The following ESS2 variants were observed in gnomAD, a reference collection of about 807,000 sequenced individuals.
The protein encoded by ESS2 is ess-2 spliceosome associated protein, also known as splicing factor ESS-2 homolog.
A neutral mutation model predicts 52.0 loss-of-function variants in ESS2; 31 were observed. That is an observed-to-expected ratio of 0.60 (90% CI 0.45 to 0.81). The LOEUF is 0.81. Ranked by LOEUF, ESS2 falls within the 30% of genes least tolerant of loss-of-function variation. ESS2 has a pLI of 0.00. For synonymous variants in ESS2, 285 were observed against 259.2 expected, an observed-to-expected ratio of 1.10 and a Z score of -0.95; for missense variants, 602 against 637.2, an observed-to-expected ratio of 0.94 and a Z score of 0.59.
At position 19,135,091 on chromosome 22, in the gene ESS2, C is replaced by A. The variant is rs1253620886; in HGVS notation, c.1120G>T (p.Ala374Ser). ...AGATTCTCCGTCACTCTCCGCAAGG[C>A]TTCCTGCTTCTTGGCCCGGTTCTTG... ...AAKNRAKKQE[A>S]LRRVTENLAS... Residue 374 changes from alanine to serine, a missense_variant, in exon 9 of 10, where the codon GCC becomes TCC. Physicochemically the swap from Ala to Ser is moderately conservative, Grantham distance 99. Coordinates refer to ENST00000252137, the MANE Select transcript of ESS2 (RefSeq NM_022719.3). 7 of 1,613,922 alleles carry A rather than the reference C, an allele frequency of 4.3e-6. No individual in the cohort carries two copies. Among genetic ancestry groups the A allele is most frequent in the Admixed American group, 1.7e-5 (1 of 60,000 alleles).
At position 19,144,585 on chromosome 22, in the gene ESS2, G is replaced by C. The variant is rs530916835; in HGVS notation, c.56C>G (p.Pro19Arg). The C allele has an allele frequency of 1.2e-6, 2 of 1,601,568 alleles. No homozygotes were observed. Among genetic ancestry groups the C allele is most frequent in the Admixed American group, 1.7e-5 (1 of 58,956 alleles). Residue 19 changes from proline to arginine, a missense_variant, in exon 1 of 10, where the codon CCC (proline) becomes CGC (arginine). By Grantham distance (103) the Pro-to-Arg change is moderately radical. Coordinates refer to ENST00000252137, the MANE Select transcript of ESS2 (RefSeq NM_022719.3). Reference protein sequence around the residue: ...SSLLLPAASRPPRKREAGEAG... With the variant: ...SSLLLPAASRRPRKREAGEAG... Reference sequence around the variant, plus strand: ...CTCTCCCGCCTCGCGCTTCCTCGGGGGCCTGGACGCGGCGGGAAGCAACAA... The same window carrying C: ...CTCTCCCGCCTCGCGCTTCCTCGGGCGCCTGGACGCGGCGGGAAGCAACAA...
intron 8 of ESS2, 73 bp downstream of exon 8, chr22:19,137,250 T>G: frequency 8.6e-7 from 1 of 1,156,300 alleles, no homozygotes; most frequent in Non-Finnish European, 1.3e-6. Flanking sequence ...TGCTCAGTCC[T>G]GAGCCACAGG....
intron 6 of ESS2, 196 bp from the exon 7 acceptor site, chr22:19,138,513 G>C (rs923710439): frequency 2.9e-6 from 2 of 698,264 alleles, no homozygotes; most frequent in African/African-American, 1.8e-5. Context: ...TTGAGGGCCT[G>C]TCAAAGTGGG....
Position 19,142,528 on chromosome 22 carries a change from C to T in ESS2, c.400+10G>A, listed in dbSNP as rs768456416. ...TGACCATGTGACTTAAAGAGGGCAC[C>T]CTCACTCACCATCCTCCAGGCCTCG... is the stretch of plus-strand genomic sequence containing the variant. On this transcript the variant is annotated intron_variant, in intron 3 of 9. Coordinates refer to ENST00000252137, the MANE Select transcript of ESS2 (RefSeq NM_022719.3). 1.3e-6 allele frequency: 2 copies of T among 1,590,168 alleles called. No homozygotes were observed. Among genetic ancestry groups the T allele is most frequent in the Admixed American group, 1.8e-5 (1 of 54,980 alleles).
At position 19,144,564 on chromosome 22, in the gene ESS2, C is replaced by T. The variant is rs1326204746; in HGVS notation, c.77G>A (p.Gly26Glu). 3 of 1,607,684 alleles carry T rather than the reference C, an allele frequency of 1.9e-6. No individual in the cohort carries two copies. Among genetic ancestry groups the T allele is most frequent in the Admixed American group, 1.7e-5 (1 of 59,696 alleles). The change falls in exon 1 of 10, where the codon GGA becomes GAA. Residue 26 changes from glycine (G) to glutamate (E), a missense_variant. Physicochemically the swap from Gly to Glu is moderately conservative, Grantham distance 98. Transcript: ENST00000252137. ...ASRPPRKREA[G>E]EAGAATSKQR... ...CTTGCTCGTCGCAGCCCCAGCCTCT[C>T]CCGCCTCGCGCTTCCTCGGGGGCCT...
At position 19,142,877 on chromosome 22, in the gene ESS2, G is replaced by A; in HGVS notation, c.153C>T (p.Ile51=). The change falls in exon 2 of 10, where the codon ATC becomes ATT. Residue 51 remains isoleucine (I), a synonymous_variant. Transcript: ENST00000252137. ...CCACATCAGGAAAGAAATCCCTTTG[G>A]ATGACCGTCTGGAGGCCCTGCAAGG... ...EEYIEGLQTV[I]QRDFFPDVEK... 1.2e-6 allele frequency: 2 copies of A among 1,613,804 alleles called. No homozygotes were observed. Among genetic ancestry groups the A allele is most frequent in the Non-Finnish European group, 1.7e-6 (2 of 1,179,908 alleles).
In ESS2 at chr22:19,133,785, CA is replaced by C. The variant is rs2083533315; in HGVS notation, c.*410del. On this transcript the variant is annotated 3_prime_UTR_variant, in exon 10 of 10. Coordinates refer to ENST00000252137, the MANE Select transcript of ESS2 (RefSeq NM_022719.3). ...TTCCGAGTGCCGCAGAAAGCAACGCCAGTCACCCGGTGCTCCCACAGCCGCC... is the reference window on the plus strand; with the variant it reads ...TTCCGAGTGCCGCAGAAAGCAACGCCGTCACCCGGTGCTCCCACAGCCGCC... 5.7e-6 allele frequency: 1 copy of C among 176,860 alleles called. No homozygotes were observed. Among genetic ancestry groups the C allele is most frequent in the Non-Finnish European group, 1.2e-5 (1 of 85,350 alleles). The allele number at this position is 176,860 out of a possible 1,614,324, so 11.0% of individuals were successfully genotyped here. A position where few individuals can be genotyped will look rare whatever the true frequency, so the allele number is the denominator to read the frequency against.
chr22:19,139,526 A>T, intron 5 of ESS2, 86 bp downstream of exon 5: 1 of 1,392,850 alleles, frequency 7.2e-7, no homozygotes, highest in East Asian at 2.3e-5. Context: ...ACGGCCATAC[A>T]CACCTGGAAG....
rs1163757454 is a variant in ESS2 at position 19,139,598 on chromosome 22, G to C, written c.688+14C>G. On this transcript the variant is annotated intron_variant, in intron 5 of 9. Transcript: ENST00000252137. ...CCAACACCTCCCCATTTGGCTGCGAGGCCCGCCACTTACCCTCTGGATAGT... is the reference window on the plus strand; with the variant it reads ...CCAACACCTCCCCATTTGGCTGCGACGCCCGCCACTTACCCTCTGGATAGT... The C allele has an allele frequency of 1.2e-6, 2 of 1,610,086 alleles. No homozygotes were observed. Among genetic ancestry groups the C allele is most frequent in the African/African-American group, 2.7e-5 (2 of 74,962 alleles).
rs747673537 is a variant in ESS2, at chr22:19,139,690, G to C, written c.610C>G (p.Gln204Glu). The C allele has an allele frequency of 5.6e-6, 9 of 1,614,204 alleles. No homozygotes were observed. The South Asian group carries it at 9.9e-5, about 18-fold the overall frequency. The change falls in exon 5 of 10, where the codon CAG (glutamine) becomes GAG (glutamate). Residue 204 changes from glutamine to glutamate, a missense_variant. By Grantham distance (29) the Gln-to-Glu change is conservative. Coordinates refer to ENST00000252137, the MANE Select transcript of ESS2 (RefSeq NM_022719.3). ...CTGGCCTGGCTGCTCTCGATGGCCT[G>C]GTGCTCTGCTGACGGGAGTTCGAGA... Reference protein sequence around the residue: ...DNLELPSAEHQAIESSQASVE... With the variant: ...DNLELPSAEHEAIESSQASVE...
In ESS2 at chr22:19,135,044, C is replaced by T; in HGVS notation, c.1151+16G>A. Reference sequence around the variant, plus strand: ...AGCCACCCTCGCACTTCCCCACCAGCCAGGCGGCCCCTCACCTGGCCAGAT... The same window carrying T: ...AGCCACCCTCGCACTTCCCCACCAGTCAGGCGGCCCCTCACCTGGCCAGAT... On this transcript the variant is annotated intron_variant, in intron 9 of 9. Coordinates refer to ENST00000252137, the MANE Select transcript of ESS2 (RefSeq NM_022719.3). The T allele has an allele frequency of 6.2e-7, 1 of 1,609,868 alleles. No homozygotes were observed. The highest frequency in any genetic ancestry group is 8.5e-7 in the Non-Finnish European group (1 of 1,177,808).
In ESS2 at chr22:19,132,202, G is replaced by T. The variant is rs766078798; in HGVS notation, c.*1994C>A. The T allele has an allele frequency of 6.2e-7, 1 of 1,612,660 alleles. No homozygotes were observed. Among genetic ancestry groups the T allele is most frequent in the Non-Finnish European group, 8.5e-7 (1 of 1,178,922 alleles). On this transcript the variant is annotated 3_prime_UTR_variant, in exon 10 of 10. Transcript: ENST00000252137. This position sits in a 1 kb window ranked among gnomAD's most constrained non-coding sequence, Gnocchi z 4.2. Reference sequence around the variant, plus strand: ...CGGCTCCACATCGATGAGATCCTCAGCCACTCGTGGCTGCAGCCCCCCAAG... The same window carrying T: ...CGGCTCCACATCGATGAGATCCTCATCCACTCGTGGCTGCAGCCCCCCAAG...
Position 19,130,366 on chromosome 22 carries a change from T to G in ESS2, c.*3830A>C, listed in dbSNP as rs1410747177. On this transcript the variant is annotated 3_prime_UTR_variant, in exon 10 of 10. Coordinates refer to ENST00000252137, the MANE Select transcript of ESS2 (RefSeq NM_022719.3). ...CAGACCAACTCAAAGTGCTACAATTTTCTTACTGTTTATATAGGTTGGGGT... is the reference window on the plus strand; with the variant it reads ...CAGACCAACTCAAAGTGCTACAATTGTCTTACTGTTTATATAGGTTGGGGT... 1.9e-5 allele frequency: 3 copies of G among 161,492 alleles called. No individual in the cohort carries two copies. The highest frequency in any genetic ancestry group is 7.2e-5 in the African/African-American group (3 of 41,600). 10.0% of individuals were successfully genotyped at this position (161,492 alleles called of 1,614,324 possible).
chr22:19,137,002 G>A (rs560964717), intron 8 of ESS2, among the ~76,000 whole-genome samples: 3 of 152,200 alleles, frequency 2.0e-5, no homozygotes, highest in African/African-American at 4.8e-5. Context: ...ACACAGCCTC[G>A]TCCTATGGCC....
At position 19,134,282 on chromosome 22, in the gene ESS2, G is replaced by A. The variant is rs551191358; in HGVS notation, c.1345C>T (p.Arg449Cys). 96 of 1,595,868 alleles carry A rather than the reference G, an allele frequency of 6.0e-5. 1 individual carries two copies. In the South Asian group the frequency reaches 7.7e-4, roughly 13 times the overall value. ...GCCGGGTCCTGTGTGAGAGGGGTGC[G>A]TGTGGCAGAGCCAGGCGCCGGTGTG... ...TSTPAPGSAT[R>C]TPLTQDPASI... The change falls in exon 10 of 10, where the codon CGC (arginine) becomes TGC (cysteine). Residue 449 changes from arginine (R) to cysteine (C), a missense_variant. Transcript: ENST00000252137.
rs755276601 is a variant in ESS2 at position 19,131,529 on chromosome 22, G to A, written c.*2667C>T. The A allele has an allele frequency of 2.0e-5, 33 of 1,613,988 alleles. 1 individual carries two copies. The South Asian group carries it at 2.3e-4, about 11-fold the overall frequency. On this transcript the variant is annotated 3_prime_UTR_variant, in exon 10 of 10. Coordinates refer to ENST00000252137, the MANE Select transcript of ESS2 (RefSeq NM_022719.3). The surrounding 1 kb of genome is among the most constrained non-coding windows in gnomAD (Gnocchi z 5.7). Reference sequence around the variant, plus strand: ...GTTCAATGTGGCTGTCAAGATCATCGACCGCAAGAAAACACCTACTGACTT... The same window carrying A: ...GTTCAATGTGGCTGTCAAGATCATCAACCGCAAGAAAACACCTACTGACTT...
chr22:19,134,521 G>A, intron 9 of ESS2, 46 bp from the exon 10 acceptor site: 2 of 1,479,764 alleles, frequency 1.4e-6, no homozygotes, highest in African/African-American at 2.8e-5. Flanking sequence ...GGTGGGCTGA[G>A]AGCTGCCGGC....
chr22:19,134,580 C>T, intron 9 of ESS2, 105 bp from the exon 10 acceptor site: 1 of 1,241,946 alleles, frequency 8.1e-7, no homozygotes. Context: ...GAGACACAGT[C>T]ACTCTGAGCT....
chr22:19,142,672 G>GTGAAGTCA (rs753916145), intron 2 of ESS2, 39 bp from the exon 3 acceptor site: 10 of 1,610,058 alleles, frequency 6.2e-6, no homozygotes, highest in Non-Finnish European at 7.6e-6. Context: ...GAGTGAGCCT[G>GTGAAGTCA]AAGCGACAGT....
Sources: gnomAD v4.1 joint callset for allele counts (sites outside exome capture counted in the v4.1 genomes callset) on GRCh38, gnomAD v4.1.1 for gene constraint, Gnocchi (gnomAD v3.1) non-coding constraint, MANE v1.5 for transcripts, NCBI Gene and HGNC (gene_info 2026-07-23, HGNC 2026-07-21) for gene names.